The following STARD9 variants were observed in gnomAD, a reference collection of about 807,000 sequenced individuals.
The protein encoded by STARD9 is StAR related lipid transfer domain containing 9, also known as stAR-related lipid transfer protein 9.
In STARD9, 346 loss-of-function variants were observed where a neutral mutation model predicts 399.8. The observed-to-expected ratio is 0.87, with a 90% confidence interval of 0.79 to 0.95. The LOEUF (loss-of-function observed/expected upper bound fraction) is 0.95. Among genes scored for constraint, STARD9 ranks in the 40% least tolerant of loss-of-function variants. The probability of loss-of-function intolerance (pLI) is 0.00; values close to 1 mark genes in which losing one functional copy is unlikely to be tolerated. For synonymous variants in STARD9, 2,203 were observed against 2,143.5 expected (o/e 1.03, Z -0.77); for missense variants, 5,832 against 5,667.5 (o/e 1.03, Z -0.93).
chr15:42,620,974 G>A (rs1226703669), intron 3 of STARD9, among the ~76,000 whole-genome samples: 4 of 151,954 alleles, frequency 2.6e-5, no homozygotes, highest in Admixed American at 6.6e-5. Context: ...GTCTGGTCTC[G>A]AACTCCTGAC....
At chr15:42,581,371 C>T in intron 1 of STARD9, 1 of 1,474,082 alleles carries the variant, frequency 6.8e-7, no homozygotes, top group Non-Finnish European at 9.5e-7. Flanking sequence ...AAGAGCGTCC[C>T]CTCGGGCGTG....
chr15:42,652,271 TA>T (rs201923100), intron 8 of STARD9, among the ~76,000 whole-genome samples: 21,208 of 148,132 alleles, frequency 0.14, 4,033 homozygotes, highest in African/African-American at 0.43. Flanking sequence ...TTCTATTGCT[TA>T]AAAAAAAAAA....
intron 3 of STARD9, 66 bp downstream of exon 3, chr15:42,585,703 A>G: frequency 1.9e-6 from 2 of 1,033,166 alleles, no homozygotes; most frequent in Non-Finnish European, 2.9e-6. Context: ...TAAGATGTTT[A>G]TTATAAAGAT....
rs1319465395 is a variant in STARD9, at chr15:42,575,669, G to C, written c.-47G>C. On this transcript the variant is annotated 5_prime_UTR_variant, in exon 1 of 33. Transcript: ENST00000290607. ...GTCTGGGCTTAGGGCGGGGGCCTGG[G>C]ATGCTGCCGCTGAGCTGACCCGCTG... 3.3e-6 allele frequency: 5 copies of C among 1,533,216 alleles called. No homozygotes were observed. The highest frequency in any genetic ancestry group is 4.4e-6 in the Non-Finnish European group (5 of 1,144,826). The allele number at this position is 1,533,216 out of a possible 1,614,324, so 95.0% of individuals were successfully genotyped here. A position where few individuals can be genotyped will look rare whatever the true frequency, so the allele number is the denominator to read the frequency against.
At position 42,583,393 on chromosome 15, in the gene STARD9, T is replaced by A. The variant is rs1216737781; in HGVS notation, c.95T>A (p.Val32Glu). ...ATTATTGTGGAAGTTGATGGCAAAG[T>A]GGCAAAAATCAGGAATTTAAAGGTA... ...GRIIVEVDGK[V>E]AKIRNLKVDN... is the part of the protein sequence containing the mutation. Residue 32 changes from valine to glutamate, a missense_variant, in exon 2 of 33, where the codon GTG becomes GAG. Around this residue, in one of 2 missense-constraint regions of STARD9, gnomAD observed 5,828 missense variants for 5,651.1 expected, o/e 1.03. Transcript: ENST00000290607. 1 of 1,537,080 alleles carries A rather than the reference T, an allele frequency of 6.5e-7. No homozygotes were observed. The highest frequency in any genetic ancestry group is 8.7e-7 in the Non-Finnish European group (1 of 1,146,724).
chr15:42,602,241 C>G (rs1039693304), intron 3 of STARD9, among the ~76,000 whole-genome samples: 1 of 152,160 alleles, frequency 6.6e-6, no homozygotes, highest in Non-Finnish European at 1.5e-5. Flanking sequence ...TAGAACATGG[C>G]TGGGTGACTT....
intron 3 of STARD9, among the ~76,000 whole-genome samples, chr15:42,626,284 C>CTT (rs2059209660): frequency 6.6e-6 from 1 of 151,048 alleles, no homozygotes. Context: ...TCCTCTTCCT[C>CTT]CTCTTCCTCT....
In STARD9 at chr15:42,685,835, T is replaced by A; in HGVS notation, c.4257T>A (p.Asp1419Glu). ...ARDEHTASAA[D>E]TSRLSLWGIQ... ...ATGAGCACACAGCCTCTGCTGCTGA[T>A]ACGTCTAGGCTGTCTCTCTGGGGAA... Residue 1419 changes from aspartate (D) to glutamate (E), a missense_variant, in exon 23 of 33, where the codon GAT (aspartate) becomes GAA (glutamate). This residue lies in a region of STARD9 where 5,828 missense variants were observed against 5,651.1 expected (regional missense o/e 1.03). Coordinates refer to ENST00000290607, the MANE Select transcript of STARD9 (RefSeq NM_020759.3). 1 of 1,537,158 alleles carries A rather than the reference T, an allele frequency of 6.5e-7. No individual in the cohort carries two copies. Among genetic ancestry groups the A allele is most frequent in the Middle Eastern group, 1.7e-4 (1 of 5,990 alleles).
At chr15:42,635,130 G>C (rs955182496) in intron 4 of STARD9, among the ~76,000 whole-genome samples, 158 bp downstream of exon 4, 2 of 151,910 alleles carry the variant, frequency 1.3e-5, no homozygotes, top group Non-Finnish European at 2.9e-5. Flanking sequence ...TTTCGGCTGG[G>C]CGCAGTGGCT....
Position 42,702,158 on chromosome 15 carries a change from T to C in STARD9, c.13284+6278T>C, listed in dbSNP as rs182741330. On this transcript the variant is annotated intron_variant, in intron 26 of 32. Coordinates refer to ENST00000290607, the MANE Select transcript of STARD9 (RefSeq NM_020759.3). ...GCAGACTCCACACTGATAATGTCAG[T>C]TACTAGTTTATCTTCCCAGTTATAG... Among the ~76,000 whole-genome samples, 17 of 152,258 alleles carry C rather than the reference T, an allele frequency of 1.1e-4. No homozygotes were observed. The East Asian group carries it at 2.9e-3, about 26-fold the overall frequency.
At chr15:42,716,341 G>A (rs1595834012) in intron 26 of STARD9, among the ~76,000 whole-genome samples, 1 of 152,072 alleles carries the variant, frequency 6.6e-6, no homozygotes, top group Non-Finnish European at 1.5e-5. Flanking sequence ...TGCCCGGGTG[G>A]TGCAGAGAGC....
chr15:42,615,014 T>TTC (rs910906817), intron 3 of STARD9, among the ~76,000 whole-genome samples: 1 of 2,360 alleles, frequency 4.2e-4, no homozygotes, highest in African/African-American at 1.4e-3. Flanking sequence ...TAGTCAAGGA[T>TTC]TTTTTTTTTT....
At position 42,717,025 on chromosome 15, in the gene STARD9, G is replaced by A. The variant is rs367951690; in HGVS notation, c.13471G>A (p.Val4491Ile). Residue 4491 changes from valine to isoleucine, a missense_variant, in exon 28 of 33, where the codon GTC becomes ATC. By Grantham distance (29) the Val-to-Ile change is conservative. This residue lies in a region of STARD9 where 5,828 missense variants were observed against 5,651.1 expected (regional missense o/e 1.03). Transcript: ENST00000290607. The stretch of plus-strand genomic sequence containing the variant: ...CTCCTACCAGGATTTGGCCAAGCAT[G>A]TCGTGGACACTTCTATGGCTGATGT... ...SSSYQDLAKH[V>I]VDTSMADVMA... 5.9e-6 allele frequency: 9 copies of A among 1,537,138 alleles called. No homozygotes were observed. The African/African-American group carries it at 9.6e-5, about 16-fold the overall frequency.
chr15:42,656,199 T>TA (rs1384578576), intron 9 of STARD9, among the ~76,000 whole-genome samples: 1 of 151,444 alleles, frequency 6.6e-6, no homozygotes, highest in African/African-American at 2.4e-5. Flanking sequence ...CTACTAAAAA[T>TA]AAAAAAATTT....
Position 42,684,488 on chromosome 15 carries a change from T to C in STARD9, c.2910T>C (p.Ser970=), listed in dbSNP as rs1196590970. Residue 970 remains serine, a synonymous_variant, in exon 23 of 33, where the codon TCT becomes TCC. Coordinates refer to ENST00000290607, the MANE Select transcript of STARD9 (RefSeq NM_020759.3). ...GGCATGAGCCAAAGATCTTCACCTC[T>C]ACTACCCAGACCAGAGGGGCGAAGG... ...KPRHEPKIFT[S]TTQTRGAKGL... 1 of 1,537,176 alleles carries C rather than the reference T, an allele frequency of 6.5e-7. No individual in the cohort carries two copies. Among genetic ancestry groups the C allele is most frequent in the Admixed American group, 2.0e-5 (1 of 50,994 alleles).
At chr15:42,667,264 A>G (rs2060120872) in intron 15 of STARD9, among the ~76,000 whole-genome samples, 1 of 151,960 alleles carries the variant, frequency 6.6e-6, no homozygotes, top group Non-Finnish European at 1.5e-5. Context: ...AGCTCACTGC[A>G]ACCTCTGCCT....
chr15:42,671,061 T>C (rs1478059238), intron 16 of STARD9: 1 of 151,368 alleles, frequency 6.6e-6, no homozygotes, highest in Non-Finnish European at 1.5e-5. Context: ...TTAAAGGACA[T>C]GACTATTAGA....
chr15:42,641,448 G>C (rs1261818328), intron 7 of STARD9, among the ~76,000 whole-genome samples: 1 of 151,998 alleles, frequency 6.6e-6, no homozygotes, highest in Non-Finnish European at 1.5e-5. Context: ...CATGTGCCAT[G>C]TTGGTGTGCT....
chr15:42,626,482 C>T (rs1462884438), intron 3 of STARD9, among the ~76,000 whole-genome samples: 1 of 150,802 alleles, frequency 6.6e-6, no homozygotes, highest in Non-Finnish European at 1.5e-5. Context: ...TCTTCATCCT[C>T]TTCCTCTTCC....
Sources: allele counts gnomAD v4.1 joint callset (sites outside exome capture counted in the v4.1 genomes callset), GRCh38; gene constraint gnomAD v4.1.1; regional missense constraint gnomAD v4.1.1; transcripts MANE v1.5; gene names NCBI Gene and HGNC (gene_info 2026-07-23, HGNC 2026-07-21).